The following AUTS2 variants were observed in gnomAD, a reference collection of about 807,000 sequenced individuals.
AUTS2 encodes the protein activator of transcription and developmental regulator AUTS2, also known as autism susceptibility gene 2 protein.
In AUTS2, 17 loss-of-function variants were observed where a neutral mutation model predicts 112.4. The observed-to-expected ratio is 0.15, with a 90% CI of 0.10 to 0.23. The LOEUF (loss-of-function observed/expected upper bound fraction) is 0.23. Ranked by LOEUF, AUTS2 falls within the 10% of genes least tolerant of loss-of-function variation. The pLI is 1.00. For synonymous variants in AUTS2, 751 were observed against 702.7 expected, an observed-to-expected ratio of 1.07 and a Z score of -1.09; for missense variants, 1,510 against 1,701.6, an observed-to-expected ratio of 0.89 and a Z score of 1.98.
At chr7:70,035,304 C>G (rs888286033) in intron 2 of AUTS2, among the ~76,000 whole-genome samples, 8 of 152,104 alleles carry the variant, frequency 5.3e-5, no homozygotes, top group Admixed American at 5.2e-4. Flanking sequence ...CTCTAAGTTT[C>G]CACTTCCTAA....
At chr7:69,876,343 A>ATAT (rs1793749749) in intron 1 of AUTS2, among the ~76,000 whole-genome samples, 1 of 80,554 alleles carries the variant, frequency 1.2e-5, no homozygotes, top group East Asian at 4.0e-4. Flanking sequence ...AAAAAAAAAA[A>ATAT]AAAAAAATAT....
intron 4 of AUTS2, among the ~76,000 whole-genome samples, chr7:70,190,955 G>C (rs754502386): frequency 6.6e-5 from 10 of 151,900 alleles, no homozygotes; most frequent in African/African-American, 1.7e-4. Context: ...AATTTTAACA[G>C]TATCTTACTG....
intron 2 of AUTS2, among the ~76,000 whole-genome samples, chr7:70,054,936 C>G (rs956915223): frequency 6.6e-6 from 1 of 152,116 alleles, no homozygotes; most frequent in African/African-American, 2.4e-5. Context: ...ATCTCTTCCC[C>G]CTTTCTGCTT....
At chr7:69,903,514 C>A (rs1795045907) in intron 2 of AUTS2, among the ~76,000 whole-genome samples, 1 of 152,144 alleles carries the variant, frequency 6.6e-6, no homozygotes, top group African/African-American at 2.4e-5. Flanking sequence ...TCCATTTAGT[C>A]CATTAGTCTG....
At chr7:70,481,556 CT>C (rs1797788112) in intron 5 of AUTS2, among the ~76,000 whole-genome samples, 1 of 152,210 alleles carries the variant, frequency 6.6e-6, no homozygotes, top group Non-Finnish European at 1.5e-5. Context: ...ACATCTCACC[CT>C]GGCCCATTTA....
intron 2 of AUTS2, among the ~76,000 whole-genome samples, chr7:70,019,429 C>CA (rs1045749557): frequency 1.8e-4 from 27 of 152,116 alleles, no homozygotes; most frequent in African/African-American, 6.0e-4. Flanking sequence ...AATTAAAAAA[C>CA]AAAAACAAAA....
chr7:69,715,850 T>C (rs867332862), intron 1 of AUTS2, among the ~76,000 whole-genome samples: 38 of 152,328 alleles, frequency 2.5e-4, no homozygotes, highest in African/African-American at 8.7e-4. Flanking sequence ...TCAACAACCT[T>C]GTAAGGTATA....
intron 4 of AUTS2, chr7:70,292,548 C>T (rs1429064756): frequency 6.6e-6 from 1 of 152,208 alleles, no homozygotes; most frequent in Non-Finnish European, 1.5e-5. Context: ...AGAAGGGTAT[C>T]AGTGTAAACT....
intron 1 of AUTS2, among the ~76,000 whole-genome samples, chr7:69,740,470 T>C (rs891870243): frequency 1.3e-5 from 2 of 152,196 alleles, no homozygotes; most frequent in African/African-American, 4.8e-5. Context: ...GAAGACACAA[T>C]TGTGAAACAT....
chr7:70,509,129 C>A (rs1799084732), intron 5 of AUTS2, among the ~76,000 whole-genome samples: 2 of 152,228 alleles, frequency 1.3e-5, no homozygotes, highest in African/African-American at 4.8e-5. Flanking sequence ...ATTACACTTT[C>A]TTTCTTCGCA....
chr7:69,605,731 G>C (rs1792682510), intron 1 of AUTS2, among the ~76,000 whole-genome samples: 1 of 152,164 alleles, frequency 6.6e-6, no homozygotes, highest in South Asian at 2.1e-4. Flanking sequence ...TGTTTCTGTT[G>C]CATTTTTCAC....
At chr7:70,474,421 T>C (rs980945111) in intron 5 of AUTS2, among the ~76,000 whole-genome samples, 5 of 152,180 alleles carry the variant, frequency 3.3e-5, no homozygotes, top group Admixed American at 2.6e-4. Flanking sequence ...TCATCCAGTT[T>C]CTTCTCTCTT....
chr7:70,303,488 T>C (rs1163491169), intron 4 of AUTS2, among the ~76,000 whole-genome samples: 3 of 144,518 alleles, frequency 2.1e-5, no homozygotes, highest in Admixed American at 1.4e-4. Flanking sequence ...CTGCTGCAAC[T>C]CCCAGAGTAT....
intron 2 of AUTS2, among the ~76,000 whole-genome samples, chr7:70,030,716 CT>C (rs1800736079): frequency 6.6e-6 from 1 of 152,132 alleles, no homozygotes; most frequent in Non-Finnish European, 1.5e-5. Context: ...ACCCAAAACT[CT>C]GGTGTATAAT....
intron 4 of AUTS2, among the ~76,000 whole-genome samples, chr7:70,410,613 G>A (rs1386598993): frequency 6.6e-6 from 1 of 151,200 alleles, no homozygotes; most frequent in Non-Finnish European, 1.5e-5. Flanking sequence ...TTGTAGAGAC[G>A]GGTTTCGCCA....
At chr7:70,353,389 C>T (rs1791854169) in intron 4 of AUTS2, among the ~76,000 whole-genome samples, 1 of 152,004 alleles carries the variant, frequency 6.6e-6, no homozygotes, top group African/African-American at 2.4e-5. Flanking sequence ...GGTTGTGTCC[C>T]TTAACCACAG....
At chr7:69,869,536 A>T (rs1324255212) in intron 1 of AUTS2, among the ~76,000 whole-genome samples, 1 of 151,948 alleles carries the variant, frequency 6.6e-6, no homozygotes, top group Non-Finnish European at 1.5e-5. Context: ...TCATATATAT[A>T]TATATATACA....
intron 1 of AUTS2, among the ~76,000 whole-genome samples, chr7:69,813,338 A>G (rs551761138): frequency 5.1e-4 from 77 of 152,228 alleles, no homozygotes; most frequent in African/African-American, 1.8e-3. Context: ...GCAAGCACTT[A>G]GGAAGTCTTT....
intron 5 of AUTS2, among the ~76,000 whole-genome samples, chr7:70,581,381 C>T (rs576311098): frequency 2.0e-5 from 3 of 152,092 alleles, no homozygotes; most frequent in Non-Finnish European, 2.9e-5. Context: ...AGCGAAACTC[C>T]GTCTCAATAA....
Sources: allele counts gnomAD v4.1 joint callset (sites outside exome capture counted in the v4.1 genomes callset), GRCh38; gene constraint gnomAD v4.1.1; transcripts MANE v1.5; gene names NCBI Gene and HGNC (gene_info 2026-07-23, HGNC 2026-07-21).